BOLL: variants seen among roughly 807,000 people sequenced by gnomAD.
BOLL encodes the protein protein boule-like.
BOLL carries 23 observed loss-of-function variants against 44.4 expected under a neutral mutation model. The ratio of observed to expected loss-of-function variants is 0.52; its 90% CI spans 0.37 to 0.73. The LOEUF (loss-of-function observed/expected upper bound fraction) is 0.73, where lower values mean the gene tolerates loss of function less well. BOLL is among the 30% of genes least tolerant of loss of function. BOLL has a pLI of 0.00. For missense variants in BOLL, 287 were observed against 338.3 expected (o/e 0.85, Z 1.19); for synonymous variants, 97 against 110.8 (o/e 0.88, Z 0.78).
intron 6 of BOLL, 134 bp from the exon 7 acceptor site, chr2:197,766,737 T>C: frequency 1.6e-6 from 1 of 631,426 alleles, no homozygotes; most frequent in Non-Finnish European, 2.8e-6. Context: ...CTACCTCTTA[T>C]TGATATGATT....
chr2:197,766,326 C>T (rs899142680), intron 7 of BOLL, among the ~76,000 whole-genome samples: 5 of 152,078 alleles, frequency 3.3e-5, no homozygotes, highest in African/African-American at 9.7e-5. Context: ...TCTGTAACCT[C>T]GCCAGCATCT....
At chr2:197,754,262 G>A (rs1688398520) in intron 9 of BOLL, among the ~76,000 whole-genome samples, 1 of 152,094 alleles carries the variant, frequency 6.6e-6, no homozygotes, top group Non-Finnish European at 1.5e-5. Flanking sequence ...TTCTGCATAT[G>A]TATCCCAGAA....
At chr2:197,751,586 C>G (rs1688255368) in intron 9 of BOLL, among the ~76,000 whole-genome samples, 1 of 152,142 alleles carries the variant, frequency 6.6e-6, no homozygotes. Flanking sequence ...CCTCCCAATA[C>G]TAATCCAGGA....
intron 7 of BOLL, among the ~76,000 whole-genome samples, chr2:197,764,728 G>A (rs955465328): frequency 3.3e-5 from 5 of 152,104 alleles, no homozygotes; most frequent in Non-Finnish European, 7.4e-5. Context: ...TGTTGTTGTT[G>A]TTGTTAAAGG....
At chr2:197,740,286 T>C (rs948548097) in intron 10 of BOLL, among the ~76,000 whole-genome samples, 1 of 152,142 alleles carries the variant, frequency 6.6e-6, no homozygotes, top group African/African-American at 2.4e-5. Flanking sequence ...CTAATATCCA[T>C]TATTTTAATG....
At chr2:197,771,822 G>C in intron 6 of BOLL, 33 bp downstream of exon 6, 1 of 1,509,290 alleles carries the variant, frequency 6.6e-7, no homozygotes, top group Non-Finnish European at 8.9e-7. Flanking sequence ...GATAGTAATA[G>C]ATGGAAATCC....
intron 10 of BOLL, among the ~76,000 whole-genome samples, chr2:197,729,767 G>A (rs1293257766): frequency 4.0e-5 from 6 of 151,866 alleles, no homozygotes; most frequent in Non-Finnish European, 5.9e-5. Context: ...CTGTTAGAAG[G>A]AAAACTAACA....
upstream of BOLL, chr2:197,785,362 G>A (rs1454402933): frequency 2.0e-6 from 2 of 985,672 alleles, no homozygotes; most frequent in Non-Finnish European, 2.4e-6. This position sits in a 1 kb window ranked among gnomAD's most constrained non-coding sequence, Gnocchi z 6.7. Context: ...GCTGCTGGCG[G>A]CGGGACGGGG....
At chr2:197,734,149 G>T (rs563015470) in intron 10 of BOLL, among the ~76,000 whole-genome samples, 1 of 151,260 alleles carries the variant, frequency 6.6e-6, no homozygotes, top group South Asian at 2.1e-4. Context: ...AAAAGTGGGC[G>T]AAGGATATGA....
chr2:197,753,628 A>G (rs1213248346), intron 9 of BOLL, among the ~76,000 whole-genome samples: 1 of 152,242 alleles, frequency 6.6e-6, no homozygotes, highest in Non-Finnish European at 1.5e-5. Flanking sequence ...CTAAAAAGTC[A>G]GGAAACAACA....
intron 1 of BOLL, among the ~76,000 whole-genome samples, chr2:197,784,393 T>TAC (rs1553488526): frequency 0.14 from 28 of 194 alleles, 2 homozygotes; most frequent in South Asian, 0.5. Flanking sequence ...GTCTAATACA[T>TAC]ATATATATAT....
Position 197,736,209 on chromosome 2 carries a change from C to G in BOLL, c.828+6852G>C, listed in dbSNP as rs77833912. On this transcript the variant is annotated intron_variant, in intron 10 of 10. Transcript: ENST00000392296. ...TATCACCTCTGTGATATTATTGTCC[C>G]AAATTCATACCCTTTATCTAATTAA... Among the ~76,000 whole-genome samples the G allele has an allele frequency of 7.0e-3, 1,067 of 152,110 alleles. 11 individuals are homozygous for G. Among genetic ancestry groups the G allele is most frequent in the African/African-American group, 0.025 (1,022 of 41,508 alleles).
intron 10 of BOLL, among the ~76,000 whole-genome samples, chr2:197,729,390 G>A (rs1687028544): frequency 6.6e-6 from 1 of 152,184 alleles, no homozygotes. Context: ...GCTGGGGGAG[G>A]GGCGCCCGCC....
At chr2:197,738,644 C>T (rs1346932351) in intron 10 of BOLL, among the ~76,000 whole-genome samples, 3 of 152,094 alleles carry the variant, frequency 2.0e-5, no homozygotes, top group Admixed American at 2.0e-4. Flanking sequence ...ATAATTTTGA[C>T]ATTTGAAATT....
At chr2:197,743,039 A>G in intron 10 of BOLL, 22 bp downstream of exon 10, 1 of 1,525,272 alleles carries the variant, frequency 6.6e-7, no homozygotes, top group South Asian at 1.3e-5. Flanking sequence ...AACAAAGTAA[A>G]AAGTCAAAAC....
chr2:197,752,445 A>C (rs559767032), intron 9 of BOLL, among the ~76,000 whole-genome samples: 1 of 152,376 alleles, frequency 6.6e-6, no homozygotes, highest in African/African-American at 2.4e-5. Flanking sequence ...AAGAAACTTC[A>C]GTAAAGTCTC....
intron 7 of BOLL, among the ~76,000 whole-genome samples, chr2:197,764,971 A>G (rs572165692): frequency 1.3e-5 from 2 of 152,264 alleles, no homozygotes; most frequent in Admixed American, 1.3e-4. Flanking sequence ...CAAAAAAAAA[A>G]AGTTGATCTC....
At chr2:197,747,688 G>A (rs905784440) in intron 9 of BOLL, among the ~76,000 whole-genome samples, 1 of 147,434 alleles carries the variant, frequency 6.8e-6, no homozygotes, top group African/African-American at 2.5e-5. Context: ...GGAAATTATT[G>A]TTTCAGAACA....
At chr2:197,749,780 C>T (rs1387397521) in intron 9 of BOLL, among the ~76,000 whole-genome samples, 1 of 152,052 alleles carries the variant, frequency 6.6e-6, no homozygotes, top group Non-Finnish European at 1.5e-5. Context: ...CTAAAAGTGA[C>T]ACGGGGAATG....
Sources: gnomAD v4.1 joint callset for allele counts (sites outside exome capture counted in the v4.1 genomes callset) on GRCh38, gnomAD v4.1.1 for gene constraint, Gnocchi (gnomAD v3.1) non-coding constraint, MANE v1.5 for transcripts, NCBI Gene and HGNC (gene_info 2026-07-23, HGNC 2026-07-21) for gene names.